The following PDE4B variants were observed in gnomAD, a reference collection of about 807,000 sequenced individuals.
PDE4B encodes the protein 3',5'-cyclic-AMP phosphodiesterase 4B.
In PDE4B, 20 loss-of-function variants were observed where a neutral mutation model predicts 82.2. The ratio of observed to expected loss-of-function variants is 0.24; its 90% confidence interval spans 0.17 to 0.35. The LOEUF (loss-of-function observed/expected upper bound fraction) is 0.35. Among genes scored for constraint, PDE4B ranks in the 10% least tolerant of loss-of-function variants. The pLI is 1.00. For synonymous variants in PDE4B, 320 were observed against 318.9 expected, an observed-to-expected ratio of 1.00 and a Z score of -0.04; for missense variants, 655 against 907.2, an observed-to-expected ratio of 0.72 and a Z score of 3.57.
chr1:65,913,044 G>T (rs576409714), intron 1 of PDE4B, among the ~76,000 whole-genome samples: 130 of 152,160 alleles, frequency 8.5e-4, no homozygotes, highest in South Asian at 3.5e-3. Context: ...AAATAGCTTT[G>T]TACCAATTTC....
chr1:65,939,289 A>G (rs1211468594), intron 3 of PDE4B, among the ~76,000 whole-genome samples: 3 of 152,062 alleles, frequency 2.0e-5, no homozygotes, highest in Non-Finnish European at 4.4e-5. Context: ...TAGCTATACT[A>G]GGTTCTGGCC....
intron 8 of PDE4B, among the ~76,000 whole-genome samples, chr1:66,336,173 G>A (rs772687916): frequency 6.6e-6 from 1 of 152,190 alleles, no homozygotes; most frequent in Non-Finnish European, 1.5e-5. Context: ...AACGTCATTA[G>A]AGGAGGATAG....
At chr1:66,332,653 G>A in intron 8 of PDE4B, 33 bp downstream of exon 8, 4 of 1,595,302 alleles carry the variant, frequency 2.5e-6, no homozygotes, top group Non-Finnish European at 3.4e-6. Context: ...ATTAAAGTGT[G>A]ATCATGCAGG....
intron 3 of PDE4B, among the ~76,000 whole-genome samples, chr1:66,226,471 T>C (rs1651462520): frequency 6.6e-6 from 1 of 152,176 alleles, no homozygotes; most frequent in Non-Finnish European, 1.5e-5. Context: ...AACTATAGAT[T>C]GACTAGACCA....
chr1:66,042,953 C>T (rs556475039), intron 3 of PDE4B, among the ~76,000 whole-genome samples: 3 of 151,796 alleles, frequency 2.0e-5, no homozygotes, highest in African/African-American at 7.2e-5. Context: ...GCAGTGCAGT[C>T]TATTATGTTA....
At chr1:66,089,690 A>G (rs551837057) in intron 3 of PDE4B, among the ~76,000 whole-genome samples, 1 of 152,040 alleles carries the variant, frequency 6.6e-6, no homozygotes, top group South Asian at 2.1e-4. Flanking sequence ...AACATTTGTA[A>G]ACTTCTTAAA....
chr1:66,048,561 A>G (rs1301590763), intron 3 of PDE4B, among the ~76,000 whole-genome samples: 1 of 151,968 alleles, frequency 6.6e-6, no homozygotes, highest in African/African-American at 2.4e-5. Flanking sequence ...GTAGTCTAGG[A>G]GAAATAAACC....
intron 1 of PDE4B, among the ~76,000 whole-genome samples, chr1:65,899,519 C>A (rs1278022092): frequency 6.6e-6 from 1 of 151,720 alleles, no homozygotes; most frequent in Non-Finnish European, 1.5e-5. Context: ...GATACTTGCA[C>A]ATGCATGTTT....
intron 1 of PDE4B, among the ~76,000 whole-genome samples, chr1:65,811,921 C>T (rs900043973): frequency 1.3e-5 from 2 of 151,732 alleles, no homozygotes; most frequent in Non-Finnish European, 2.9e-5. Flanking sequence ...ATAAAATATA[C>T]AGAAGGTAAA....
At chr1:66,014,493 C>G (rs1434621358) in intron 3 of PDE4B, among the ~76,000 whole-genome samples, 1 of 152,038 alleles carries the variant, frequency 6.6e-6, no homozygotes, top group Admixed American at 6.6e-5. Context: ...AGTCCAACTG[C>G]TTTCTTTTGC....
intron 1 of PDE4B, among the ~76,000 whole-genome samples, chr1:65,850,989 A>G (rs996305287): frequency 2.0e-5 from 3 of 152,286 alleles, no homozygotes; most frequent in Non-Finnish European, 2.9e-5. Flanking sequence ...GTGAGATAAT[A>G]CTTGAGGTTC....
intron 1 of PDE4B, among the ~76,000 whole-genome samples, chr1:65,854,436 A>T (rs1309930562): frequency 6.6e-6 from 1 of 150,506 alleles, no homozygotes; most frequent in East Asian, 1.9e-4. Flanking sequence ...ACCCACTGGC[A>T]TTAAATTCTC....
intron 3 of PDE4B, among the ~76,000 whole-genome samples, chr1:66,211,843 C>T (rs149002479): frequency 6.6e-6 from 1 of 152,226 alleles, no homozygotes; most frequent in East Asian, 1.9e-4. Context: ...TTCCAGGTTA[C>T]CCGATAAGCC....
intron 1 of PDE4B, among the ~76,000 whole-genome samples, chr1:65,896,130 C>T (rs1646908220): frequency 6.6e-6 from 1 of 151,694 alleles, no homozygotes. Context: ...CTAGTCTGTT[C>T]TCGCACTGCT....
chr1:66,134,330 A>G (rs1341674158), intron 3 of PDE4B, among the ~76,000 whole-genome samples: 2 of 152,242 alleles, frequency 1.3e-5, no homozygotes, highest in East Asian at 3.8e-4. Flanking sequence ...ACTAAGATAG[A>G]AGTGGTACCT....
intron 7 of PDE4B, among the ~76,000 whole-genome samples, chr1:66,298,213 T>A (rs1453598785): frequency 6.6e-6 from 1 of 152,164 alleles, no homozygotes; most frequent in Non-Finnish European, 1.5e-5. Context: ...ACTATAGTCA[T>A]ATTATGCTGT....
intron 10 of PDE4B, among the ~76,000 whole-genome samples, chr1:66,362,605 G>A (rs1355865935): frequency 6.6e-6 from 1 of 152,194 alleles, no homozygotes; most frequent in African/African-American, 2.4e-5. Flanking sequence ...ACAGGCCTGA[G>A]TGATGTTTCT....
chr1:66,107,703 C>T lies in PDE4B; in HGVS notation c.282-139757C>T, dbSNP rs1471846278. ...TTTCCCTTTAGGAGCTTTCATGATT[C>T]TAAACCTTTCATGAGATAGATAAAG... On this transcript the variant is annotated intron_variant, in intron 3 of 16. Transcript: ENST00000341517. Among the ~76,000 whole-genome samples, 3 of 151,918 alleles carry T rather than the reference C, an allele frequency of 2.0e-5. No homozygotes were observed. The East Asian group carries it at 5.8e-4, about 29-fold the overall frequency.
At chr1:66,288,906 T>C (rs545785029) in intron 7 of PDE4B, among the ~76,000 whole-genome samples, 20 of 152,310 alleles carry the variant, frequency 1.3e-4, no homozygotes, top group African/African-American at 4.6e-4. Context: ...GCTTTTTAAG[T>C]GAGCTTGACC....
Sources: allele counts gnomAD v4.1 joint callset (sites outside exome capture counted in the v4.1 genomes callset), GRCh38; gene constraint gnomAD v4.1.1; transcripts MANE v1.5; gene names NCBI Gene and HGNC (gene_info 2026-07-23, HGNC 2026-07-21).